The following LRRC28 variants were observed in gnomAD, a reference collection of about 807,000 sequenced individuals.
LRRC28 encodes the protein leucine rich repeat containing 28.
In LRRC28, 39 loss-of-function variants were observed where a neutral mutation model predicts 45.7. The observed-to-expected ratio is 0.85, with a 90% CI of 0.66 to 1.12. The LOEUF is 1.12. Ranked by LOEUF, LRRC28 falls within the 50% of genes most tolerant of loss-of-function variation. The pLI is 0.00. For synonymous variants in LRRC28, 206 were observed against 178.8 expected (o/e 1.15, Z -1.22); for missense variants, 435 against 438.5 (o/e 0.99, Z 0.07).
chr15:99,258,200 C>T (rs34471005), intron 2 of LRRC28: 98,974 of 1,609,242 alleles, frequency 0.062, 3,609 homozygotes, highest in Admixed American at 0.14. Flanking sequence ...ATTGATTGGC[C>T]AGTTTGGTGT....
At chr15:99,262,075 A>G (rs555892347) in intron 2 of LRRC28, among the ~76,000 whole-genome samples, 3 of 152,316 alleles carry the variant, frequency 2.0e-5, no homozygotes, top group East Asian at 1.9e-4. Flanking sequence ...TTATATAATT[A>G]CATATATTTT....
chr15:99,295,057 T>G (rs1211810171), intron 5 of LRRC28, among the ~76,000 whole-genome samples: 1 of 152,248 alleles, frequency 6.6e-6, no homozygotes, highest in African/African-American at 2.4e-5. Context: ...TGTCCATTGC[T>G]TGAAAACAAT....
At chr15:99,316,715 TAAA>T (rs142753859) in intron 5 of LRRC28, among the ~76,000 whole-genome samples, 140,685 of 145,396 alleles carry the variant, frequency 0.97, 68,055 homozygotes, top group East Asian at 0.99. Context: ...AGAAAACTCT[TAAA>T]AAAAAAAAAA....
Position 99,255,966 on chromosome 15 carries a change from C to G in LRRC28, c.9C>G (p.Ser3=). 6.2e-7 allele frequency: 1 copy of G among 1,611,820 alleles called. No homozygotes were observed. The highest frequency in any genetic ancestry group is 8.5e-7 in the Non-Finnish European group (1 of 1,179,702). ...ATGGGATATATTCAGTCATGGCGTC[C>G]GAACTTTGTAAGACGATCTCTGTGG... MA[S]ELCKTISVAR... is the part of the protein sequence containing the mutation. The change falls in exon 2 of 10, where the codon TCC becomes TCG. Residue 3 remains serine (S), a synonymous_variant. Coordinates refer to ENST00000301981, the MANE Select transcript of LRRC28 (RefSeq NM_144598.5).
At chr15:99,311,714 A>G (rs968201945) in intron 5 of LRRC28, among the ~76,000 whole-genome samples, 12 of 152,222 alleles carry the variant, frequency 7.9e-5, no homozygotes, top group Admixed American at 2.6e-4. Flanking sequence ...TATGCAACAG[A>G]ATCTGTACAT....
chr15:99,282,916 G>A (rs2081846884), intron 3 of LRRC28, among the ~76,000 whole-genome samples: 1 of 151,736 alleles, frequency 6.6e-6, no homozygotes, highest in Non-Finnish European at 1.5e-5. Context: ...TTTTTGAGAT[G>A]GAATTTCGCT....
intron 5 of LRRC28, among the ~76,000 whole-genome samples, chr15:99,313,107 C>G (rs755879453): frequency 3.3e-5 from 5 of 151,978 alleles, no homozygotes; most frequent in Non-Finnish European, 7.4e-5. Context: ...ATATACCTTG[C>G]AAACAGGAAA....
At chr15:99,285,281 G>A in intron 3 of LRRC28, 2 of 737,176 alleles carry the variant, frequency 2.7e-6, no homozygotes, top group Non-Finnish European at 5.0e-6. Flanking sequence ...AGTTAAGTAG[G>A]CACCTGGTCT....
intron 2 of LRRC28, among the ~76,000 whole-genome samples, chr15:99,267,554 GCTCTGTATAAAAGCAT>G (rs1253551530): frequency 2.6e-5 from 4 of 152,298 alleles, no homozygotes; most frequent in Middle Eastern, 3.4e-3. Context: ...TCTTGAGCTA[GCTCTGTATAAAAGCAT>G]CTCTGTTTCT....
chr15:99,279,129 TTTA>T (rs1279208065), intron 3 of LRRC28, among the ~76,000 whole-genome samples: 11 of 152,332 alleles, frequency 7.2e-5, no homozygotes, highest in Non-Finnish European at 1.5e-4. Flanking sequence ...TTCTGGATGT[TTTA>T]TATTAGTGGA....
At chr15:99,377,893 T>C (rs181885690) in intron 9 of LRRC28, among the ~76,000 whole-genome samples, 48 of 152,352 alleles carry the variant, frequency 3.2e-4, no homozygotes, top group African/African-American at 1.1e-3. Flanking sequence ...TTCTGTTCCA[T>C]TGGTCTATAG....
At chr15:99,310,595 T>A (rs1428078100) in intron 5 of LRRC28, among the ~76,000 whole-genome samples, 1 of 152,184 alleles carries the variant, frequency 6.6e-6, no homozygotes, top group Non-Finnish European at 1.5e-5. Flanking sequence ...TGAACAGGGA[T>A]AAGTGAGTAT....
At chr15:99,383,157 ACTTT>A (rs1473624570) in intron 9 of LRRC28, among the ~76,000 whole-genome samples, 1 of 151,784 alleles carries the variant, frequency 6.6e-6, no homozygotes, top group Non-Finnish European at 1.5e-5. Context: ...AGGCTTATCT[ACTTT>A]CTGTCTCTGT....
At chr15:99,284,073 T>G (rs2081889090) in intron 3 of LRRC28, among the ~76,000 whole-genome samples, 1 of 152,238 alleles carries the variant, frequency 6.6e-6, no homozygotes, top group African/African-American at 2.4e-5. Context: ...GTTCAGTGAT[T>G]TCTCCATAGT....
At chr15:99,285,335 C>G in intron 3 of LRRC28, 1 of 742,120 alleles carries the variant, frequency 1.3e-6, no homozygotes, top group African/African-American at 1.7e-5. Flanking sequence ...TCCCACAACT[C>G]TTCTGTCCAC....
intron 9 of LRRC28, among the ~76,000 whole-genome samples, chr15:99,373,156 T>C (rs74738001): frequency 0.058 from 8,777 of 152,226 alleles, 331 homozygotes; most frequent in Non-Finnish European, 0.086. Context: ...AAAAACTAAA[T>C]GGCTGTGGTA....
intron 5 of LRRC28, among the ~76,000 whole-genome samples, chr15:99,308,128 A>AT: frequency 6.6e-6 from 1 of 152,102 alleles, no homozygotes. Flanking sequence ...GTGCTTTATA[A>AT]TTTTCACAGT....
At chr15:99,288,189 T>A (rs12906357) in intron 5 of LRRC28, among the ~76,000 whole-genome samples, 96,286 of 151,936 alleles carry the variant, frequency 0.63, 30,576 homozygotes, top group Middle Eastern at 0.75. Flanking sequence ...GTGCATTGCA[T>A]CCAATATCCC....
At chr15:99,277,936 G>A (rs962236171) in intron 3 of LRRC28, among the ~76,000 whole-genome samples, 7 of 151,602 alleles carry the variant, frequency 4.6e-5, no homozygotes, top group Admixed American at 3.3e-4. Context: ...TTTTACTATC[G>A]TAAATGAATT....
Sources: allele counts gnomAD v4.1 joint callset (sites outside exome capture counted in the v4.1 genomes callset), GRCh38; gene constraint gnomAD v4.1.1; transcripts MANE v1.5; gene names NCBI Gene and HGNC (gene_info 2026-07-23, HGNC 2026-07-21).